BRD2: variants seen among roughly 807,000 people sequenced by gnomAD.
BRD2 encodes bromodomain containing 2.
A neutral mutation model predicts 79.1 loss-of-function variants in BRD2; 15 were observed. The observed-to-expected ratio is 0.19, with a 90% CI of 0.13 to 0.29. The LOEUF (loss-of-function observed/expected upper bound fraction) is 0.29. Ranked by LOEUF, BRD2 falls within the 10% of genes least tolerant of loss-of-function variation. The pLI is 1.00. For synonymous variants in BRD2, 488 were observed against 358.6 expected (o/e 1.36, Z -4.08); for missense variants, 1,053 against 991.3 (o/e 1.06, Z -0.84).
rs1301243074 is a variant in BRD2, at chr6:32,971,856, C to G, written c.-1043C>G. 1 of 697,016 alleles carries G rather than the reference C, an allele frequency of 1.4e-6. No homozygotes were observed. The highest frequency in any genetic ancestry group is 2.6e-6 in the Non-Finnish European group (1 of 382,296). 43.2% of individuals were successfully genotyped at this position (697,016 alleles called of 1,614,324 possible). A position where few individuals can be genotyped will look rare whatever the true frequency, so the allele number is the denominator to read the frequency against. ...GGCTCTGGGGCGATGGCTTCCGCAC[C>G]TCTTCCAACCACCCTCTTTCCCTGG... On this transcript the variant is annotated 5_prime_UTR_variant, in exon 2 of 13. Transcript: ENST00000374825.
At chr6:32,978,073 CTTG>C (rs1303265431) in intron 9 of BRD2, 50 bp from the exon 10 acceptor site, 19 of 1,581,760 alleles carry the variant, frequency 1.2e-5, no homozygotes, top group Non-Finnish European at 1.6e-5. Context: ...ATTTTTTCTT[CTTG>C]TTATTTTATC....
Position 32,969,148 on chromosome 6 carries a change from G to C in BRD2, c.-1305+92G>C, listed in dbSNP as rs374443310. On this transcript the variant is annotated intron_variant, in intron 1 of 12. Transcript: ENST00000374825. Reference sequence around the variant, plus strand: ...AGGGGGATTCTTGGGGTTCAGGAAAGAATCCTGAGAGTGGGAAGATTTGTC... The same window carrying C: ...AGGGGGATTCTTGGGGTTCAGGAAACAATCCTGAGAGTGGGAAGATTTGTC... The C allele has an allele frequency of 1.0e-3, 535 of 537,248 alleles. 3 individuals carry two copies. The highest frequency in any genetic ancestry group is 5.0e-3 in the South Asian group (217 of 43,484). The allele number at this position is 537,248 out of a possible 1,614,324, so 33.3% of individuals were successfully genotyped here.
At chr6:32,977,021 C>T in intron 7 of BRD2, 85 bp downstream of exon 7, 2 of 1,484,526 alleles carry the variant, frequency 1.3e-6, no homozygotes, top group East Asian at 2.3e-5. Context: ...TGTGGGCACA[C>T]AGCAGTCTTT....
At position 32,971,851 on chromosome 6, in the gene BRD2, C is replaced by T. The variant is rs1244807695; in HGVS notation, c.-1048C>T. 2.9e-6 allele frequency: 2 copies of T among 694,680 alleles called. No individual in the cohort carries two copies. The highest frequency in any genetic ancestry group is 1.5e-5 in the South Asian group (1 of 66,748). 43.0% of individuals were successfully genotyped at this position (694,680 alleles called of 1,614,324 possible). A position where few individuals can be genotyped will look rare whatever the true frequency, so the allele number is the denominator to read the frequency against. ...CTGGAGGCTCTGGGGCGATGGCTTC[C>T]GCACCTCTTCCAACCACCCTCTTTC... On this transcript the variant is annotated 5_prime_UTR_variant, in exon 2 of 13. Transcript: ENST00000374825.
At chr6:32,973,382 C>G (rs1199680101) in intron 2 of BRD2, among the ~76,000 whole-genome samples, 2 of 152,122 alleles carry the variant, frequency 1.3e-5, no homozygotes, top group South Asian at 2.1e-4. Flanking sequence ...AGGGATCACT[C>G]TCCCGTGTGT....
At chr6:32,977,030 T>C in intron 7 of BRD2, 94 bp downstream of exon 7, 2 of 1,454,370 alleles carry the variant, frequency 1.4e-6, no homozygotes, top group South Asian at 2.7e-5. Context: ...ACAGCAGTCT[T>C]TGGTTCTTGG....
chr6:32,980,816 A>G lies in BRD2; in HGVS notation c.*98A>G. The G allele has an allele frequency of 7.0e-7, 1 of 1,432,924 alleles. No individual in the cohort carries two copies. The highest frequency in any genetic ancestry group is 9.6e-7 in the Non-Finnish European group (1 of 1,041,338). The allele number at this position is 1,432,924 out of a possible 1,614,324, so 88.8% of individuals were successfully genotyped here. A position where few individuals can be genotyped will look rare whatever the true frequency, so the allele number is the denominator to read the frequency against. On this transcript the variant is annotated 3_prime_UTR_variant, in exon 13 of 13. Transcript: ENST00000374825. ...TCCCCCTTTGCTGTGACACTTCTTC[A>G]TCTCACCCCCCCCCGCCCCCCTCTA...
Position 32,980,842 on chromosome 6 carries a change from G to C in BRD2, c.*124G>C. ...TCTCACCCCCCCCCGCCCCCCTCTAGGAGAGCTGGCTCTGCAGTGGGGGAG... is the reference window on the plus strand; with the variant it reads ...TCTCACCCCCCCCCGCCCCCCTCTACGAGAGCTGGCTCTGCAGTGGGGGAG... On this transcript the variant is annotated 3_prime_UTR_variant, in exon 13 of 13. Transcript: ENST00000374825. 1 of 1,217,900 alleles carries C rather than the reference G, an allele frequency of 8.2e-7. No homozygotes were observed. Among genetic ancestry groups the C allele is most frequent in the South Asian group, 1.4e-5 (1 of 72,256 alleles). 75.4% of individuals were successfully genotyped at this position (1,217,900 alleles called of 1,614,324 possible).
chr6:32,977,650 AGGG>A, intron 8 of BRD2, 80 bp downstream of exon 8: 1 of 1,602,508 alleles, frequency 6.2e-7, no homozygotes, highest in Non-Finnish European at 8.5e-7. Flanking sequence ...CCTCAACGTG[AGGG>A]TCTCACTGTT....
In BRD2 at chr6:32,976,301, T is replaced by C. The variant is rs1778743995; in HGVS notation, c.662T>C (p.Val221Ala). 2.5e-6 allele frequency: 4 copies of C among 1,613,074 alleles called. No homozygotes were observed. Among genetic ancestry groups the C allele is most frequent in the African/African-American group, 2.7e-5 (2 of 75,046 alleles). Residue 221 changes from valine to alanine, a missense_variant, in exon 6 of 13, where the codon GTG becomes GCG. This residue lies in a region of BRD2 where 413 missense variants were observed against 335.1 expected (regional missense o/e 1.23). Transcript: ENST00000374825. Reference protein sequence around the residue: ...SAHQVPAVSSVSHTALYTPPP... With the variant: ...SAHQVPAVSSASHTALYTPPP... Reference sequence around the variant, plus strand: ...CATCAGGTGCCTGCCGTCTCTTCTGTGTCACACACAGCCCTGTATACTCCT... The same window carrying C: ...CATCAGGTGCCTGCCGTCTCTTCTGCGTCACACACAGCCCTGTATACTCCT...
Position 32,972,085 on chromosome 6 carries a change from C to G in BRD2, c.-814C>G. On this transcript the variant is annotated 5_prime_UTR_variant, in exon 2 of 13. Coordinates refer to ENST00000374825, the MANE Select transcript of BRD2 (RefSeq NM_005104.4). Reference sequence around the variant, plus strand: ...GACTCAGCTTCTTCACCCGCGTGAGCGAGCGCGCGCGCGCGGAGGGGGTGG... The same window carrying G: ...GACTCAGCTTCTTCACCCGCGTGAGGGAGCGCGCGCGCGCGGAGGGGGTGG... The G allele has an allele frequency of 2.9e-6, 2 of 694,280 alleles. No homozygotes were observed. The highest frequency in any genetic ancestry group is 5.3e-6 in the Non-Finnish European group (2 of 380,814). 43.0% of individuals were successfully genotyped at this position (694,280 alleles called of 1,614,324 possible). A position where few individuals can be genotyped will look rare whatever the true frequency, so the allele number is the denominator to read the frequency against.
intron 7 of BRD2, 158 bp downstream of exon 7, chr6:32,977,094 T>C: frequency 7.9e-7 from 1 of 1,259,820 alleles, no homozygotes; most frequent in Non-Finnish European, 1.1e-6. Context: ...TTTTGAGAAT[T>C]TGTATTTCTT....
At chr6:32,977,223 C>A in intron 7 of BRD2, 1 of 1,522,780 alleles carries the variant, frequency 6.6e-7, no homozygotes. Flanking sequence ...AGGCATAGGC[C>A]ACCTCTCTGT....
rs758065641 is a variant in BRD2 at position 32,978,162 on chromosome 6, C to A, written c.1615C>A (p.Gln539Lys). The A allele has an allele frequency of 4.3e-6, 7 of 1,612,692 alleles. No homozygotes were observed. Among genetic ancestry groups the A allele is most frequent in the Non-Finnish European group, 5.9e-6 (7 of 1,180,020 alleles). ...ACATGAACAACTGGCTGCTCTGTCC[C>A]AGGGTCCAATATCCAAGCCCAAGAG... is the stretch of plus-strand genomic sequence containing the variant. ...AVHEQLAALS[Q>K]GPISKPKRKR... is the part of the protein sequence containing the mutation. Residue 539 changes from glutamine to lysine, a missense_variant, in exon 10 of 13, where the codon CAG becomes AAG. Gln to Lys is a moderately conservative substitution (Grantham distance 53). Coordinates refer to ENST00000374825, the MANE Select transcript of BRD2 (RefSeq NM_005104.4).
intron 3 of BRD2, chr6:32,975,079 C>A: frequency 6.6e-7 from 1 of 1,515,170 alleles, no homozygotes; most frequent in South Asian, 1.2e-5. Context: ...TTCTTCCTTT[C>A]CCTCATGCAG....
chr6:32,976,231 C>CT lies in BRD2; in HGVS notation c.611-13dup, dbSNP rs756621738. ...AGATGGGGAAGAGAATCAAACTACA[C>CT]TTTTTTCCTTTTTTCTAGCGCTCCA... On this transcript the variant is annotated intron_variant, in intron 5 of 12. Transcript: ENST00000374825. 1.9e-6 allele frequency: 3 copies of CT among 1,610,958 alleles called. No homozygotes were observed. Among genetic ancestry groups the CT allele is most frequent in the African/African-American group, 1.3e-5 (1 of 74,784 alleles).
rs576309955 is a variant in BRD2 at position 32,971,881 on chromosome 6, G to C, written c.-1018G>C. The stretch of plus-strand genomic sequence containing the variant: ...CTCTTCCAACCACCCTCTTTCCCTG[G>C]AGTCGGCGGACCACAGCTCAGCCAA... On this transcript the variant is annotated 5_prime_UTR_variant, in exon 2 of 13. Coordinates refer to ENST00000374825, the MANE Select transcript of BRD2 (RefSeq NM_005104.4). 1.4e-6 allele frequency: 1 copy of C among 702,354 alleles called. No homozygotes were observed. Among genetic ancestry groups the C allele is most frequent in the East Asian group, 2.7e-5 (1 of 37,254 alleles). The allele number at this position is 702,354 out of a possible 1,614,324, so 43.5% of individuals were successfully genotyped here.
Position 32,972,912 on chromosome 6 carries a change from T to C in BRD2, c.14T>C (p.Val5Ala), listed in dbSNP as rs765229853. The change falls in exon 2 of 13, where the codon GTG becomes GCG. Residue 5 changes from valine (V) to alanine (A), a missense_variant. Coordinates refer to ENST00000374825, the MANE Select transcript of BRD2 (RefSeq NM_005104.4). Reference sequence around the variant, plus strand: ...CTTGCGGTCAAGATGCTGCAAAACGTGACTCCCCACAATAAGTACGTTTCC... The same window carrying C: ...CTTGCGGTCAAGATGCTGCAAAACGCGACTCCCCACAATAAGTACGTTTCC... MLQN[V>A]TPHNKLPGEG... 5 of 1,613,902 alleles carry C rather than the reference T, an allele frequency of 3.1e-6. No individual in the cohort carries two copies. The African/African-American group carries it at 6.7e-5, about 22-fold the overall frequency.
At chr6:32,979,728 C>A in intron 10 of BRD2, 100 bp from the exon 11 acceptor site, 1 of 1,377,498 alleles carries the variant, frequency 7.3e-7, no homozygotes, top group South Asian at 1.5e-5. Context: ...AACAGAAGCT[C>A]CACTCTGGGC....
Sources: allele counts gnomAD v4.1 joint callset (sites outside exome capture counted in the v4.1 genomes callset), GRCh38; gene constraint gnomAD v4.1.1; regional missense constraint gnomAD v4.1.1; transcripts MANE v1.5; gene names NCBI Gene and HGNC (gene_info 2026-07-23, HGNC 2026-07-21).